FNBP1: variants seen among roughly 807,000 people sequenced by gnomAD.
FNBP1 encodes the protein formin binding protein 1.
FNBP1 carries 26 observed loss-of-function variants against 90.6 expected under a neutral mutation model. The ratio of observed to expected loss-of-function variants is 0.29; its 90% CI spans 0.21 to 0.40. FNBP1 has a LOEUF of 0.40. Ranked by LOEUF, FNBP1 falls within the 10% of genes least tolerant of loss-of-function variation. The probability of loss-of-function intolerance (pLI) is 1.00; values close to 1 mark genes in which losing one functional copy is unlikely to be tolerated. For synonymous variants in FNBP1, 260 were observed against 265.2 expected (o/e 0.98, Z 0.19); for missense variants, 635 against 768.0 (o/e 0.83, Z 2.05).
intron 1 of FNBP1, among the ~76,000 whole-genome samples, chr9:129,996,461 G>A (rs1030512064): frequency 2.6e-5 from 4 of 152,078 alleles, no homozygotes; most frequent in Non-Finnish European, 5.9e-5. Flanking sequence ...CATAAATGAG[G>A]GTTCTAGCCC....
chr9:130,029,916 C>G (rs1480594940), intron 1 of FNBP1, among the ~76,000 whole-genome samples: 1 of 151,906 alleles, frequency 6.6e-6, no homozygotes, highest in African/African-American at 2.4e-5. Context: ...CCCGGGAGGT[C>G]AAGGTTGCAG....
At chr9:130,032,410 A>C (rs911985926) in intron 1 of FNBP1, among the ~76,000 whole-genome samples, 1 of 152,126 alleles carries the variant, frequency 6.6e-6, no homozygotes, top group African/African-American at 2.4e-5. Context: ...AGTTCAAGCT[A>C]TCCTCTCGCC....
At chr9:129,901,556 A>T (rs1221487461) in intron 13 of FNBP1, among the ~76,000 whole-genome samples, 2 of 152,038 alleles carry the variant, frequency 1.3e-5, no homozygotes, top group Non-Finnish European at 2.9e-5. Context: ...AATAATAATA[A>T]GAAAAGGACC....
At position 130,042,814 on chromosome 9, in the gene FNBP1, C is replaced by T. The variant is rs1010988555; in HGVS notation, c.24+138G>A. 2.1e-6 allele frequency: 1 copy of T among 487,124 alleles called. No individual in the cohort carries two copies. The highest frequency in any genetic ancestry group is 2.0e-5 in the African/African-American group (1 of 49,590). The allele number at this position is 487,124 out of a possible 1,614,324, so 30.2% of individuals were successfully genotyped here. A position where few individuals can be genotyped will look rare whatever the true frequency, so the allele number is the denominator to read the frequency against. ...GCGGACGAGGGGCATTGGAACCCCG[C>T]CTCCTCCCCAGGCCGCGAGGACCCC... is the stretch of plus-strand genomic sequence containing the variant. On this transcript the variant is annotated intron_variant, in intron 1 of 16. Transcript: ENST00000446176. This position sits in a 1 kb window ranked among gnomAD's most constrained non-coding sequence, Gnocchi z 5.5.
chr9:129,919,354 G>A, intron 10 of FNBP1: 3 of 431,346 alleles, frequency 7.0e-6, no homozygotes, highest in South Asian at 1.9e-5. Flanking sequence ...CAACTTTGAT[G>A]GTATTTTTCC....
rs2132475270 is a variant in FNBP1, at chr9:130,042,609, C to T, written c.24+343G>A. 6.6e-6 allele frequency among the ~76,000 whole-genome samples: 1 copy of T among 151,754 alleles called. No homozygotes were observed. The highest frequency in any genetic ancestry group is 2.4e-5 in the African/African-American group (1 of 41,470). On this transcript the variant is annotated intron_variant, in intron 1 of 16. Transcript: ENST00000446176. This position sits in a 1 kb window ranked among gnomAD's most constrained non-coding sequence, Gnocchi z 5.5. Reference sequence around the variant, plus strand: ...CACGCCCCCACGCCCGGTCCCGGCCCTCCCCGGGCATCCGCGGCTCGCCCC... The same window carrying T: ...CACGCCCCCACGCCCGGTCCCGGCCTTCCCCGGGCATCCGCGGCTCGCCCC...
At chr9:129,960,774 A>G (rs2047690010) in intron 4 of FNBP1, among the ~76,000 whole-genome samples, 1 of 152,076 alleles carries the variant, frequency 6.6e-6, no homozygotes, top group Admixed American at 6.6e-5. Flanking sequence ...CAACTTGGAC[A>G]GGTTGTAGGT....
At chr9:130,037,533 A>T (rs2132323395) in intron 1 of FNBP1, among the ~76,000 whole-genome samples, 1 of 152,290 alleles carries the variant, frequency 6.6e-6, no homozygotes. Context: ...CTAGGGAAAA[A>T]AATTCAACAC....
intron 6 of FNBP1, among the ~76,000 whole-genome samples, chr9:129,952,790 G>A (rs2132656005): frequency 6.6e-6 from 1 of 152,190 alleles, no homozygotes; most frequent in African/African-American, 2.4e-5. Flanking sequence ...AAAATAGACA[G>A]AACATCAATA....
Position 130,042,912 on chromosome 9 carries a change from C to T in FNBP1, c.24+40G>A. ...CCCCAGGCCGCGGGGAAACGCAGCG[C>T]GCGCCCCGCATCTGCCCGCGGGCCC... On this transcript the variant is annotated intron_variant, in intron 1 of 16. Transcript: ENST00000446176. The surrounding 1 kb of genome is among the most constrained non-coding windows in gnomAD (Gnocchi z 5.5). The T allele has an allele frequency of 4.1e-6, 5 of 1,214,856 alleles. No homozygotes were observed. In the South Asian group the frequency reaches 1.5e-4, roughly 36 times the overall value. 75.3% of individuals were successfully genotyped at this position (1,214,856 alleles called of 1,614,324 possible).
intron 6 of FNBP1, among the ~76,000 whole-genome samples, chr9:129,952,204 C>A (rs1464318066): frequency 6.7e-6 from 1 of 149,322 alleles, no homozygotes; most frequent in African/African-American, 2.5e-5. Context: ...AACAAAAAAA[C>A]AAAACAAAAA....
intron 2 of FNBP1, among the ~76,000 whole-genome samples, chr9:129,988,619 GTGAGC>G (rs558941560): frequency 1.1e-3 from 174 of 152,274 alleles, no homozygotes; most frequent in African/African-American, 3.7e-3. Flanking sequence ...GGAGGTTGCA[GTGAGC>G]TGAGATTGTA....
At chr9:129,991,443 T>A (rs960701543) in intron 2 of FNBP1, among the ~76,000 whole-genome samples, 1 of 151,716 alleles carries the variant, frequency 6.6e-6, no homozygotes, top group South Asian at 2.1e-4. Flanking sequence ...GCTAATTTTT[T>A]AAAATTCTTT....
chr9:129,950,140 T>C (rs923219454), intron 6 of FNBP1, among the ~76,000 whole-genome samples: 1 of 152,232 alleles, frequency 6.6e-6, no homozygotes, highest in African/African-American at 2.4e-5. Flanking sequence ...CCAGTTAGCT[T>C]GACGCTGACA....
At chr9:129,973,495 TTTTG>T (rs953202121) in intron 4 of FNBP1, among the ~76,000 whole-genome samples, 13 of 152,136 alleles carry the variant, frequency 8.5e-5, no homozygotes, top group South Asian at 2.1e-4. Context: ...CTTTTCTGTT[TTTTG>T]TTTGTTTGTT....
At chr9:129,964,496 T>G (rs533375783) in intron 4 of FNBP1, among the ~76,000 whole-genome samples, 1 of 152,206 alleles carries the variant, frequency 6.6e-6, no homozygotes, top group East Asian at 1.9e-4. Context: ...CAGCTACACT[T>G]ACTTATTTCA....
intron 8 of FNBP1, among the ~76,000 whole-genome samples, 153 bp from the exon 9 acceptor site, chr9:129,925,310 T>A (rs1272598321): frequency 6.6e-6 from 1 of 151,950 alleles, no homozygotes; most frequent in Non-Finnish European, 1.5e-5. Flanking sequence ...ATCAAGACCA[T>A]CCTGGCTAAC....
intron 1 of FNBP1, among the ~76,000 whole-genome samples, chr9:130,019,850 GC>G (rs2057642689): frequency 6.6e-6 from 1 of 152,006 alleles, no homozygotes; most frequent in Admixed American, 6.6e-5. Context: ...GAGCCACCGC[GC>G]CCGGCCCACA....
intron 1 of FNBP1, among the ~76,000 whole-genome samples, chr9:130,004,767 T>C (rs568768681): frequency 2.0e-5 from 3 of 152,046 alleles, no homozygotes; most frequent in Non-Finnish European, 4.4e-5. Context: ...ACGTAGAAAG[T>C]TTTATAAAAC....
Sources: allele counts gnomAD v4.1 joint callset (sites outside exome capture counted in the v4.1 genomes callset), GRCh38; gene constraint gnomAD v4.1.1; non-coding constraint Gnocchi (gnomAD v3.1); transcripts MANE v1.5; gene names NCBI Gene and HGNC (gene_info 2026-07-23, HGNC 2026-07-21).